SCIMP: variants seen among roughly 807,000 people sequenced by gnomAD.
SCIMP encodes the protein SLP adapter and CSK-interacting membrane protein.
In SCIMP, 18 loss-of-function variants were observed where a neutral mutation model predicts 22.0. That is an observed-to-expected ratio of 0.82 (90% CI 0.56 to 1.21). The LOEUF (loss-of-function observed/expected upper bound fraction) is 1.21. Ranked by LOEUF, SCIMP falls within the 50% of genes most tolerant of loss-of-function variation. The pLI is 0.00. For synonymous variants in SCIMP, 53 were observed against 62.2 expected (o/e 0.85, Z 0.70); for missense variants, 155 against 171.2 (o/e 0.91, Z 0.53).
chr17:5,221,405 T>G (rs1285128076), intron 2 of SCIMP, 55 bp from the exon 3 acceptor site: 30 of 1,369,048 alleles, frequency 2.2e-5, no homozygotes, highest in Non-Finnish European at 2.6e-5. Context: ...TTGTGATTTT[T>G]TAATTTAACC....
At chr17:5,221,492 C>A in intron 2 of SCIMP, 142 bp from the exon 3 acceptor site, 1 of 672,612 alleles carries the variant, frequency 1.5e-6, no homozygotes. Context: ...AACCACAGAG[C>A]CTCTGCACTA....
chr17:5,213,259 C>CTTT (rs11409123), intron 4 of SCIMP: 1,522 of 879,300 alleles, frequency 1.7e-3, no homozygotes, highest in Middle Eastern at 2.9e-3. Context: ...TTTTCCATCC[C>CTTT]TTTTTTTTTT....
chr17:5,222,138 G>A (rs1330108107), intron 2 of SCIMP, among the ~76,000 whole-genome samples: 2 of 149,394 alleles, frequency 1.3e-5, no homozygotes, highest in Admixed American at 6.8e-5. Flanking sequence ...CGCCCAGACT[G>A]GAGGGCAGTG....
chr17:5,229,384 CTTTTTTTTTTTTTTT>C (rs71151849), intron 1 of SCIMP, among the ~76,000 whole-genome samples: 1 of 59,284 alleles, frequency 1.7e-5, no homozygotes, highest in Non-Finnish European at 3.1e-5. Context: ...GTTTATTTAG[CTTTTTTTTTTTTTTT>C]TTTTTTTTTT....
At chr17:5,223,518 G>A (rs2074624098) in intron 1 of SCIMP, 62 bp from the exon 2 acceptor site, 2 of 1,546,278 alleles carry the variant, frequency 1.3e-6, no homozygotes, top group Middle Eastern at 1.7e-4. Flanking sequence ...GTTGGGTGGA[G>A]TGGGGCAGTT....
At position 5,234,545 on chromosome 17, in the gene SCIMP, C is replaced by A. The variant is rs1433472586; in HGVS notation, c.21+190G>T. 6.4e-6 allele frequency: 4 copies of A among 625,732 alleles called. No homozygotes were observed. In the Admixed American group the frequency reaches 1.1e-4, roughly 17 times the overall value. 38.8% of individuals were successfully genotyped at this position (625,732 alleles called of 1,614,324 possible). Reference sequence around the variant, plus strand: ...ATGCCTCAGGTCACTCAGCCAGTTACCAGTAGAGCAGATCCTTCAATGCAA... The same window carrying A: ...ATGCCTCAGGTCACTCAGCCAGTTAACAGTAGAGCAGATCCTTCAATGCAA... On this transcript the variant is annotated intron_variant, in intron 1 of 4. Transcript: ENST00000574081.
At position 5,210,540 on chromosome 17, in the gene SCIMP, TG is replaced by T; in HGVS notation, c.*260del. The T allele has an allele frequency of 2.7e-6, 1 of 367,618 alleles. No individual in the cohort carries two copies. The highest frequency in any genetic ancestry group is 4.8e-6 in the Non-Finnish European group (1 of 206,794). 22.8% of individuals were successfully genotyped at this position (367,618 alleles called of 1,614,324 possible). A position where few individuals can be genotyped will look rare whatever the true frequency, so the allele number is the denominator to read the frequency against. ...CCATGGAGCCCCGTGGTCCTTCCCA[TG>T]GAAAGTTTCCTCAACAGCACAAGGC... On this transcript the variant is annotated 3_prime_UTR_variant, in exon 5 of 5. Coordinates refer to ENST00000574081, the MANE Select transcript of SCIMP (RefSeq NM_207103.3).
chr17:5,223,220 C>T (rs2074621371), intron 2 of SCIMP, 113 bp downstream of exon 2: 2 of 1,170,156 alleles, frequency 1.7e-6, no homozygotes. Flanking sequence ...GATGCTTAAT[C>T]CAAAATTCAG....
chr17:5,231,208 A>G (rs2074691376), intron 1 of SCIMP, among the ~76,000 whole-genome samples: 1 of 151,982 alleles, frequency 6.6e-6, no homozygotes, highest in South Asian at 2.1e-4. Context: ...AAAAATACAG[A>G]AATTAGCCTG....
At chr17:5,216,030 G>C (rs999129916) in intron 3 of SCIMP, among the ~76,000 whole-genome samples, 1 of 151,896 alleles carries the variant, frequency 6.6e-6, no homozygotes, top group African/African-American at 2.4e-5. Flanking sequence ...GGGAGACCCA[G>C]TCTCTACAAA....
chr17:5,223,402 C>A lies in SCIMP; in HGVS notation c.76G>T (p.Ala26Ser), dbSNP rs772619885. The A allele has an allele frequency of 3.1e-6, 5 of 1,613,448 alleles. No individual in the cohort carries two copies. The highest frequency in any genetic ancestry group is 4.2e-6 in the Non-Finnish European group (5 of 1,179,630). The change falls in exon 2 of 5, where the codon GCC becomes TCC. Residue 26 changes from alanine (A) to serine (S), a missense_variant. By Grantham distance (99) the Ala-to-Ser change is moderately conservative. Transcript: ENST00000574081. ...AGACCCACAGAGACAACGATGATGG[C>A]CACAGCTAAGATGATCCAGAAATTA... Reference protein sequence around the residue: ...RNNFWIILAVAIIVVSVGLGL... With the variant: ...RNNFWIILAVSIIVVSVGLGL...
At chr17:5,225,398 G>C (rs1172523720) in intron 1 of SCIMP, among the ~76,000 whole-genome samples, 1 of 152,138 alleles carries the variant, frequency 6.6e-6, no homozygotes, top group Non-Finnish European at 1.5e-5. Context: ...CCAGGAAGCA[G>C]AGGTGGCAGT....
In SCIMP at chr17:5,215,012, A is replaced by G. The variant is rs1264560984; in HGVS notation, c.210-14T>C. ...TTAAGAACATTCCTAGAGAGAGAGA[A>G]AGAGAGAGAATCAGTGTTTGGTTTG... is the stretch of plus-strand genomic sequence containing the variant. On this transcript the variant is annotated splice_polypyrimidine_tract_variant and intron_variant, in intron 3 of 4. Transcript: ENST00000574081. The G allele has an allele frequency of 1.9e-6, 3 of 1,568,948 alleles. No individual in the cohort carries two copies. Among genetic ancestry groups the G allele is most frequent in the African/African-American group, 2.7e-5 (2 of 73,994 alleles).
chr17:5,211,345 G>A (rs1262617299), intron 4 of SCIMP, among the ~76,000 whole-genome samples: 1 of 152,056 alleles, frequency 6.6e-6, no homozygotes, highest in Non-Finnish European at 1.5e-5. Context: ...AACACAGGGA[G>A]ACCCTCGTCC....
chr17:5,217,747 A>T lies in SCIMP; in HGVS notation c.210-2749T>A, dbSNP rs2074576299. On this transcript the variant is annotated intron_variant, in intron 3 of 4. Coordinates refer to ENST00000574081, the MANE Select transcript of SCIMP (RefSeq NM_207103.3). Reference sequence around the variant, plus strand: ...TCCCTACAAAGGACATGAACTCATCATTTTTTATGGCTGCATAGTATTCCA... The same window carrying T: ...TCCCTACAAAGGACATGAACTCATCTTTTTTTATGGCTGCATAGTATTCCA... Among the ~76,000 whole-genome samples, 4 of 151,840 alleles carry T rather than the reference A, an allele frequency of 2.6e-5. No individual in the cohort carries two copies. The South Asian group carries it at 8.3e-4, about 32-fold the overall frequency.
intron 2 of SCIMP, among the ~76,000 whole-genome samples, chr17:5,221,875 C>T (rs1272338937): frequency 6.6e-6 from 1 of 152,006 alleles, no homozygotes; most frequent in Non-Finnish European, 1.5e-5. Flanking sequence ...TGGGTTCAAG[C>T]GATTCTCCTG....
chr17:5,212,857 A>G (rs977237021), intron 4 of SCIMP, among the ~76,000 whole-genome samples: 1 of 152,196 alleles, frequency 6.6e-6, no homozygotes, highest in Non-Finnish European at 1.5e-5. Flanking sequence ...GTGGACAAAA[A>G]AGGTTCCTGT....
At position 5,221,465 on chromosome 17, in the gene SCIMP, T is replaced by C. The variant is rs79346823; in HGVS notation, c.146-115A>G. 8,523 of 783,176 alleles carry C rather than the reference T, an allele frequency of 0.011. 464 individuals carry two copies. In the African/African-American group the frequency reaches 0.12, roughly 11 times the overall value. The allele number at this position is 783,176 out of a possible 1,614,324, so 48.5% of individuals were successfully genotyped here. A position where few individuals can be genotyped will look rare whatever the true frequency, so the allele number is the denominator to read the frequency against. ...AGTTAATAAATGATAGAGCCGGACTTAGAACCCAGACAGTCTAACCACAGA... is the reference window on the plus strand; with the variant it reads ...AGTTAATAAATGATAGAGCCGGACTCAGAACCCAGACAGTCTAACCACAGA... On this transcript the variant is annotated intron_variant, in intron 2 of 4. Transcript: ENST00000574081.
intron 3 of SCIMP, among the ~76,000 whole-genome samples, chr17:5,220,756 TAA>T (rs201322715): frequency 8.1e-6 from 1 of 122,992 alleles, no homozygotes; most frequent in Non-Finnish European, 1.7e-5. Context: ...AAAATAAAAA[TAA>T]AAAAAAATAG....
Sources: gnomAD v4.1 joint callset for allele counts (sites outside exome capture counted in the v4.1 genomes callset) on GRCh38, gnomAD v4.1.1 for gene constraint, MANE v1.5 for transcripts, NCBI Gene and HGNC (gene_info 2026-07-23, HGNC 2026-07-21) for gene names.